The following AGK variants were observed in gnomAD, a reference collection of about 807,000 sequenced individuals.
AGK encodes the protein acylglycerol kinase, also known as acylglycerol kinase, mitochondrial.
AGK carries 52 observed loss-of-function variants against 66.4 expected under a neutral mutation model. That is an observed-to-expected ratio of 0.78 (90% CI 0.63 to 0.99). AGK has a LOEUF of 0.99. Among genes scored for constraint, AGK ranks in the 50% least tolerant of loss-of-function variants. AGK has a pLI of 0.00. For synonymous variants in AGK, 182 were observed against 181.1 expected, an observed-to-expected ratio of 1.00 and a Z score of -0.04; for missense variants, 451 against 506.6, an observed-to-expected ratio of 0.89 and a Z score of 1.05.
At chr7:141,578,717 G>A (rs1795811844) in intron 2 of AGK, among the ~76,000 whole-genome samples, 1 of 151,804 alleles carries the variant, frequency 6.6e-6, no homozygotes, top group Non-Finnish European at 1.5e-5. Flanking sequence ...TAGAATGATT[G>A]GTGATGGCCT....
At chr7:141,644,362 C>T (rs192120333) in intron 13 of AGK, among the ~76,000 whole-genome samples, 103 of 152,230 alleles carry the variant, frequency 6.8e-4, no homozygotes, top group Middle Eastern at 3.4e-3. Context: ...GATACTGTGC[C>T]GCTTATCACT....
chr7:141,646,928 T>C (rs867587041), intron 13 of AGK, among the ~76,000 whole-genome samples: 1 of 152,208 alleles, frequency 6.6e-6, no homozygotes, highest in Non-Finnish European at 1.5e-5. Flanking sequence ...GGCTCTCCCC[T>C]GAGTTTTGCC....
At chr7:141,592,902 C>G (rs1796153777) in intron 2 of AGK, among the ~76,000 whole-genome samples, 1 of 151,240 alleles carries the variant, frequency 6.6e-6, no homozygotes. Flanking sequence ...GGAGGTTTCA[C>G]CATGTTGGCC....
At position 141,648,762 on chromosome 7, in the gene AGK, A is replaced by G. The variant is rs548167793; in HGVS notation, c.976-501A>G. Reference sequence around the variant, plus strand: ...AAGTTTTTAAACATTACCATAGAATAAACGGATTGCTGTTTTCCAACTCTG... The same window carrying G: ...AAGTTTTTAAACATTACCATAGAATGAACGGATTGCTGTTTTCCAACTCTG... On this transcript the variant is annotated intron_variant, in intron 13 of 15. Coordinates refer to ENST00000649286, the MANE Select transcript of AGK (RefSeq NM_018238.4). Among the ~76,000 whole-genome samples, 3 of 152,354 alleles carry G rather than the reference A, an allele frequency of 2.0e-5. No homozygotes were observed. In the South Asian group the frequency reaches 6.2e-4, roughly 32 times the overall value.
In AGK at chr7:141,575,262, CTT is replaced by C. The variant is rs1338430043; in HGVS notation, c.102-17883_102-17882del. On this transcript the variant is annotated intron_variant, in intron 2 of 15. Coordinates refer to ENST00000649286, the MANE Select transcript of AGK (RefSeq NM_018238.4). ...AAATGCCATGTTGAGAAGCAGGAGA[CTT>C]CAGTTCTAGGCCTAAGCCTTTTAGT... is the stretch of plus-strand genomic sequence containing the variant. 2.0e-5 allele frequency among the ~76,000 whole-genome samples: 3 copies of C among 152,218 alleles called. No individual in the cohort carries two copies. The East Asian group carries it at 5.8e-4, about 29-fold the overall frequency.
intron 2 of AGK, among the ~76,000 whole-genome samples, chr7:141,589,229 G>A (rs941731008): frequency 1.3e-5 from 2 of 152,144 alleles, no homozygotes; most frequent in Non-Finnish European, 2.9e-5. Context: ...TATGTAAAAT[G>A]AGAATATTTT....
intron 11 of AGK, among the ~76,000 whole-genome samples, chr7:141,639,593 A>T (rs1379978614): frequency 2.0e-5 from 3 of 152,132 alleles, no homozygotes; most frequent in Non-Finnish European, 4.4e-5. Flanking sequence ...AGAGAAAGTT[A>T]AGGTATTCTC....
chr7:141,648,462 C>A (rs1026396619), intron 13 of AGK, among the ~76,000 whole-genome samples: 1 of 152,128 alleles, frequency 6.6e-6, no homozygotes, highest in Admixed American at 6.5e-5. Flanking sequence ...GTTGAGAGTT[C>A]TTTGTTAGTT....
chr7:141,641,974 C>A, intron 13 of AGK, 66 bp downstream of exon 13: 1 of 1,283,832 alleles, frequency 7.8e-7, no homozygotes, highest in Non-Finnish European at 1.1e-6. Flanking sequence ...CTATAGTCCT[C>A]TCCCACTAAT....
At chr7:141,614,232 TTG>T (rs1234416227) in intron 7 of AGK, 54 bp downstream of exon 7, 49 of 1,301,894 alleles carry the variant, frequency 3.8e-5, no homozygotes, top group Non-Finnish European at 5.2e-5. Flanking sequence ...TTCTTTTTTA[TTG>T]CTTTTCTTTC....
intron 2 of AGK, among the ~76,000 whole-genome samples, chr7:141,557,139 A>G (rs1486351394): frequency 6.6e-6 from 1 of 152,242 alleles, no homozygotes; most frequent in Non-Finnish European, 1.5e-5. Context: ...ATTGGAAAAG[A>G]GATTCATATT....
Position 141,641,269 on chromosome 7 carries a change from G to T in AGK, c.748G>T (p.Ala250Ser). The T allele has an allele frequency of 1.2e-6, 2 of 1,613,576 alleles. No individual in the cohort carries two copies. The highest frequency in any genetic ancestry group is 2.7e-5 in the African/African-American group (2 of 74,974). ...AAAGGAGTGGCCTCAGACTCATCAA[G>T]CCTCTATCTCATACACGGGACCTAC... ...TLKEWPQTHQASISYTGPTER... is the reference protein window; with the variant it reads ...TLKEWPQTHQSSISYTGPTER... Residue 250 changes from alanine (A) to serine (S), a missense_variant, in exon 12 of 16, where the codon GCC becomes TCC. Physicochemically the swap from Ala to Ser is moderately conservative, Grantham distance 99 (BLOSUM62 1). Coordinates refer to ENST00000649286, the MANE Select transcript of AGK (RefSeq NM_018238.4).
intron 9 of AGK, among the ~76,000 whole-genome samples, chr7:141,627,862 C>G (rs1796970836): frequency 6.6e-6 from 1 of 152,144 alleles, no homozygotes. Context: ...TGAGATTTAA[C>G]TGGAAATTCT....
At chr7:141,585,317 A>G (rs1263079839) in intron 2 of AGK, among the ~76,000 whole-genome samples, 2 of 152,124 alleles carry the variant, frequency 1.3e-5, no homozygotes, top group Non-Finnish European at 2.9e-5. Context: ...GCTATGCAAT[A>G]TATAGTTTAG....
chr7:141,602,205 G>GTGTGTGTGTGTGTGTGTGTGTGTGTGTA, intron 5 of AGK, among the ~76,000 whole-genome samples: 1 of 151,400 alleles, frequency 6.6e-6, no homozygotes, highest in Admixed American at 6.6e-5. Context: ...GTGTGTGTGT[G>GTGTGTGTGTGTGTGTGTGTGTGTGTGTA]TGTGTGTATG....
In AGK at chr7:141,555,429, C is replaced by T. The variant is rs1178568494; in HGVS notation, c.-14-24C>T. ...GACCATGGATAAATTATATTTTTTTCTCTTTCCGCCTCTACTAACCTAGCA... is the reference window on the plus strand; with the variant it reads ...GACCATGGATAAATTATATTTTTTTTTCTTTCCGCCTCTACTAACCTAGCA... On this transcript the variant is annotated intron_variant, in intron 1 of 15. Coordinates refer to ENST00000649286, the MANE Select transcript of AGK (RefSeq NM_018238.4). The surrounding 1 kb of genome is among the most constrained non-coding windows in gnomAD (Gnocchi z 4.2). The T allele has an allele frequency of 5.3e-6, 8 of 1,498,006 alleles. No individual in the cohort carries two copies. The Admixed American group carries it at 9.0e-5, about 17-fold the overall frequency. The allele number at this position is 1,498,006 out of a possible 1,614,324, so 92.8% of individuals were successfully genotyped here. A position where few individuals can be genotyped will look rare whatever the true frequency, so the allele number is the denominator to read the frequency against.
chr7:141,586,760 G>A (rs1203792245), intron 2 of AGK, among the ~76,000 whole-genome samples: 3 of 152,150 alleles, frequency 2.0e-5, no homozygotes, highest in African/African-American at 7.2e-5. Context: ...AGGGGGAATG[G>A]TGGAAGATAA....
rs147934833 is a variant in AGK at position 141,563,628 on chromosome 7, C to G, written c.101+8061C>G. On this transcript the variant is annotated intron_variant, in intron 2 of 15. Transcript: ENST00000649286. ...ACTCCACCTTCTTCCAACTTCACCCCCTTCTCATTGGTTGAATGCTAAACT... is the reference window on the plus strand; with the variant it reads ...ACTCCACCTTCTTCCAACTTCACCCGCTTCTCATTGGTTGAATGCTAAACT... Among the ~76,000 whole-genome samples the G allele has an allele frequency of 4.8e-3, 733 of 152,306 alleles. 14 individuals carry two copies. Among genetic ancestry groups the G allele is most frequent in the Non-Finnish European group, 1.2e-3 (83 of 68,032 alleles).
chr7:141,593,559 C>G (rs895711292), intron 3 of AGK: 9 of 563,168 alleles, frequency 1.6e-5, no homozygotes, highest in African/African-American at 1.5e-4. Context: ...GCAAGTGTTA[C>G]CTCTAAAAGT....
Sources: gnomAD v4.1 joint callset for allele counts (sites outside exome capture counted in the v4.1 genomes callset) on GRCh38, gnomAD v4.1.1 for gene constraint, Gnocchi (gnomAD v3.1) non-coding constraint, MANE v1.5 for transcripts, NCBI Gene and HGNC (gene_info 2026-07-23, HGNC 2026-07-21) for gene names.